Variants in FBXO32 observed in about 807,000 individuals in gnomAD.
FBXO32 encodes the protein F-box only protein 32.
FBXO32 carries 15 observed loss-of-function variants against 48.3 expected under a neutral mutation model. The observed-to-expected ratio is 0.31, with a 90% CI of 0.21 to 0.48. The LOEUF is 0.48. Among genes scored for constraint, FBXO32 ranks in the 20% least tolerant of loss-of-function variants. The pLI, the probability that FBXO32 is intolerant of heterozygous loss-of-function variation, is 0.99. For missense variants in FBXO32, 309 were observed against 432.7 expected, an observed-to-expected ratio of 0.71 and a Z score of 2.54; for synonymous variants, 154 against 165.9, an observed-to-expected ratio of 0.93 and a Z score of 0.55.
chr8:123,541,048 G>T lies in FBXO32; in HGVS notation c.-34C>A, dbSNP rs766455644. 28 of 1,475,348 alleles carry T rather than the reference G, an allele frequency of 1.9e-5. No homozygotes were observed. The highest frequency in any genetic ancestry group is 2.4e-5 in the Non-Finnish European group (26 of 1,080,520). The allele number at this position is 1,475,348 out of a possible 1,614,324, so 91.4% of individuals were successfully genotyped here. A position where few individuals can be genotyped will look rare whatever the true frequency, so the allele number is the denominator to read the frequency against. On this transcript the variant is annotated 5_prime_UTR_variant, in exon 1 of 9. Transcript: ENST00000517956. ...GAGCGGACTAGACGGATGGGGAGAC[G>T]GGGCCGGCCTGGTGGGCTCGGGGAC...
intron 4 of FBXO32, among the ~76,000 whole-genome samples, chr8:123,524,132 C>T (rs1040635402): frequency 1.3e-5 from 2 of 152,144 alleles, no homozygotes; most frequent in African/African-American, 2.4e-5. Context: ...TCCATGGGAA[C>T]CCTAATTTCT....
chr8:123,499,501 T>C lies in FBXO32; in HGVS notation c.*3872A>G, dbSNP rs1478274799. ...AAAAAAAAGATGTCAACATAGAAAA[T>C]GATGATAGAGTTTAGTTAAAAAAAT... On this transcript the variant is annotated 3_prime_UTR_variant, in exon 9 of 9. Transcript: ENST00000517956. The C allele has an allele frequency of 6.9e-6, 1 of 144,494 alleles. No homozygotes were observed. The highest frequency in any genetic ancestry group is 6.9e-5 in the Admixed American group (1 of 14,532). 9.0% of individuals were successfully genotyped at this position (144,494 alleles called of 1,614,324 possible). A position where few individuals can be genotyped will look rare whatever the true frequency, so the allele number is the denominator to read the frequency against.
chr8:123,507,441 GTGTGT>G (rs1563919679), intron 6 of FBXO32, among the ~76,000 whole-genome samples: 194 of 98,090 alleles, frequency 2.0e-3, no homozygotes, highest in Non-Finnish European at 3.2e-3. Flanking sequence ...GTGCTAGGGT[GTGTGT>G]GTGTGTGTGT....
At chr8:123,511,658 T>C (rs1461168757) in intron 6 of FBXO32, among the ~76,000 whole-genome samples, 1 of 152,044 alleles carries the variant, frequency 6.6e-6, no homozygotes, top group Non-Finnish European at 1.5e-5. Context: ...GTATGTTTAG[T>C]AGAGATGGAG....
intron 4 of FBXO32, among the ~76,000 whole-genome samples, chr8:123,529,410 T>C (rs1481975736): frequency 6.6e-6 from 1 of 152,252 alleles, no homozygotes; most frequent in Non-Finnish European, 1.5e-5. Context: ...CATTAGCGGC[T>C]GACTTTGCAC....
chr8:123,510,203 G>C (rs1182036784), intron 6 of FBXO32, among the ~76,000 whole-genome samples: 6 of 152,210 alleles, frequency 3.9e-5, no homozygotes, highest in Admixed American at 2.0e-4. Flanking sequence ...TGTGCCGTCT[G>C]CTTTCTATAT....
chr8:123,504,241 A>C (rs1816563552), intron 8 of FBXO32, among the ~76,000 whole-genome samples: 1 of 152,170 alleles, frequency 6.6e-6, no homozygotes, highest in Admixed American at 6.5e-5. Context: ...ACATTATCGC[A>C]TGGACCCTGA....
intron 4 of FBXO32, among the ~76,000 whole-genome samples, chr8:123,519,235 T>C (rs1036291173): frequency 6.6e-6 from 1 of 152,156 alleles, no homozygotes; most frequent in South Asian, 2.1e-4. Flanking sequence ...TGTTATGTTC[T>C]GGGGAAACAG....
At position 123,524,384 on chromosome 8, in the gene FBXO32, G is replaced by C. The variant is rs534540590; in HGVS notation, c.372+7514C>G. ...CCAAGAGATACAGATTTCCTCCTGTGAAATCACTAACAGTTTAACCAGCCA... is the reference window on the plus strand; with the variant it reads ...CCAAGAGATACAGATTTCCTCCTGTCAAATCACTAACAGTTTAACCAGCCA... On this transcript the variant is annotated intron_variant, in intron 4 of 8. Coordinates refer to ENST00000517956, the MANE Select transcript of FBXO32 (RefSeq NM_058229.4). Among the ~76,000 whole-genome samples, 37 of 152,308 alleles carry C rather than the reference G, an allele frequency of 2.4e-4. No homozygotes were observed. In the South Asian group the frequency reaches 7.7e-3, roughly 32 times the overall value.
At position 123,536,714 on chromosome 8, in the gene FBXO32, G is replaced by A. The variant is rs143993699; in HGVS notation, c.117-1900C>T. ...TTCCACATGTAGAGAATCATAAAAT[G>A]AGGTTGTCTTATTCTCAACATTTAA... On this transcript the variant is annotated intron_variant, in intron 1 of 8. Transcript: ENST00000517956. Among the ~76,000 whole-genome samples, 624 of 152,320 alleles carry A rather than the reference G, an allele frequency of 4.1e-3. 3 individuals are homozygous for A. Among genetic ancestry groups the A allele is most frequent in the African/African-American group, 0.013 (543 of 41,570 alleles).
At chr8:123,505,601 C>CTACTT (rs1563918986) in intron 7 of FBXO32, among the ~76,000 whole-genome samples, 1 of 152,034 alleles carries the variant, frequency 6.6e-6, no homozygotes, top group East Asian at 1.9e-4. Context: ...CCAGGCATGG[C>CTACTT]GGTGTGCACC....
Position 123,503,355 on chromosome 8 carries a change from G to A in FBXO32, c.*18C>T, listed in dbSNP as rs778095768. The A allele has an allele frequency of 3.7e-6, 6 of 1,608,118 alleles. No homozygotes were observed. The highest frequency in any genetic ancestry group is 5.1e-6 in the Non-Finnish European group (6 of 1,174,622). The stretch of plus-strand genomic sequence containing the variant: ...GTCAGCAGGGGGACCCTTCTGAAGT[G>A]TTGTCATGTGCTGGGATTCAGAACT... On this transcript the variant is annotated 3_prime_UTR_variant, in exon 9 of 9. Transcript: ENST00000517956.
chr8:123,522,690 C>G (rs556556865), intron 4 of FBXO32, among the ~76,000 whole-genome samples: 8 of 152,140 alleles, frequency 5.3e-5, no homozygotes, highest in Non-Finnish European at 8.8e-5. Context: ...CAATCATTCC[C>G]CTTCACTTTT....
At position 123,534,765 on chromosome 8, in the gene FBXO32, T is replaced by G; in HGVS notation, c.166A>C (p.Asn56His). The change falls in exon 2 of 9, where the codon AAC (asparagine) becomes CAC (histidine). Residue 56 changes from asparagine (N) to histidine (H), a missense_variant. By Grantham distance (68) the Asn-to-His change is moderately conservative (BLOSUM62 1). Transcript: ENST00000517956. The part of the protein sequence containing the change: ...YNKENLFNSL[N>H]YDVAAKKRKK... Reference sequence around the variant, plus strand: ...CTCTTCTTGGCTGCAACATCATAGTTCAGGCTGTTGAAAAGATTCTCCTTA... The same window carrying G: ...CTCTTCTTGGCTGCAACATCATAGTGCAGGCTGTTGAAAAGATTCTCCTTA... 1 of 1,613,980 alleles carries G rather than the reference T, an allele frequency of 6.2e-7. No homozygotes were observed. The highest frequency in any genetic ancestry group is 8.5e-7 in the Non-Finnish European group (1 of 1,179,938).
At chr8:123,509,060 G>T (rs556923240) in intron 6 of FBXO32, among the ~76,000 whole-genome samples, 40 of 152,178 alleles carry the variant, frequency 2.6e-4, no homozygotes, top group African/African-American at 9.4e-4. Flanking sequence ...CCTGCCCACC[G>T]CATACTGTCA....
chr8:123,503,425 C>A lies in FBXO32; in HGVS notation c.1016G>T (p.Ser339Ile). 1.2e-6 allele frequency: 2 copies of A among 1,614,138 alleles called. No individual in the cohort carries two copies. The highest frequency in any genetic ancestry group is 1.7e-6 in the Non-Finnish European group (2 of 1,180,002). ...DHPCTANNPE[S>I]CSVSLSPQDF... The stretch of plus-strand genomic sequence containing the variant: ...CTGGGGTGAAAGTGAAACGGAGCAG[C>A]TCTCTGGGTTATTGGCAGTGCACGG... The change falls in exon 9 of 9, where the codon AGC becomes ATC. Residue 339 changes from serine (S) to isoleucine (I), a missense_variant. Ser to Ile is a moderately radical substitution (Grantham distance 142). Transcript: ENST00000517956.
rs1025616190 is a variant in FBXO32, at chr8:123,506,293, G to A, written c.834+99C>T. ...CAGTCAAACCAGGGAACCTGGAATA[G>A]GGGGAACCCAGACCTCAGGCTTGAG... On this transcript the variant is annotated intron_variant, in intron 7 of 8. Transcript: ENST00000517956. This position sits in a 1 kb window ranked among gnomAD's most constrained non-coding sequence, Gnocchi z 4.0. 208 of 1,332,140 alleles carry A rather than the reference G, an allele frequency of 1.6e-4. 1 individual carries two copies. The highest frequency in any genetic ancestry group is 2.0e-4 in the Non-Finnish European group (193 of 953,636). 82.5% of individuals were successfully genotyped at this position (1,332,140 alleles called of 1,614,324 possible). A position where few individuals can be genotyped will look rare whatever the true frequency, so the allele number is the denominator to read the frequency against.
intron 3 of FBXO32, among the ~76,000 whole-genome samples, chr8:123,532,539 C>T (rs927512307): frequency 4.6e-5 from 7 of 152,224 alleles, no homozygotes; most frequent in African/African-American, 1.7e-4. Context: ...TATAAAGTCC[C>T]AGCTCTGCTC....
At chr8:123,505,306 C>T (rs750566514) in intron 7 of FBXO32, among the ~76,000 whole-genome samples, 3 of 152,204 alleles carry the variant, frequency 2.0e-5, no homozygotes, top group Non-Finnish European at 4.4e-5. Flanking sequence ...AGTTTCCTCA[C>T]CCAAAGAGCT....
Sources: allele counts gnomAD v4.1 joint callset (sites outside exome capture counted in the v4.1 genomes callset), GRCh38; gene constraint gnomAD v4.1.1; non-coding constraint Gnocchi (gnomAD v3.1); transcripts MANE v1.5; gene names NCBI Gene and HGNC (gene_info 2026-07-23, HGNC 2026-07-21).